KRTAP21-1: variants seen among roughly 807,000 people sequenced by gnomAD.
The protein encoded by KRTAP21-1 is keratin-associated protein 21-1.
For synonymous variants in KRTAP21-1, 29 were observed against 39.7 expected, an observed-to-expected ratio of 0.73 and a Z score of 1.01; for missense variants, 75 against 96.3, an observed-to-expected ratio of 0.78 and a Z score of 0.92.
Position 30,755,418 on chromosome 21 carries a change from T to A in KRTAP21-1, c.-40A>T. 6.4e-7 allele frequency: 1 copy of A among 1,567,924 alleles called. No individual in the cohort carries two copies. Among genetic ancestry groups the A allele is most frequent in the Non-Finnish European group, 8.7e-7 (1 of 1,155,952 alleles). On this transcript the variant is annotated 5_prime_UTR_variant, in exon 1 of 1. Transcript: ENST00000335093. ...AGAATTGAGATGGGTTTCAAGAAGATGCTTCTGAGGTGTGGATGTCTTCTA... is the reference window on the plus strand; with the variant it reads ...AGAATTGAGATGGGTTTCAAGAAGAAGCTTCTGAGGTGTGGATGTCTTCTA...
In KRTAP21-1 at chr21:30,755,049, G is replaced by A. The variant is rs1983794567; in HGVS notation, c.*90C>T. ...GATTCTGTCAAGCATGTAATTCTTGGATATAGAAATCTTGGAGTACGAATC... is the reference window on the plus strand; with the variant it reads ...GATTCTGTCAAGCATGTAATTCTTGAATATAGAAATCTTGGAGTACGAATC... On this transcript the variant is annotated 3_prime_UTR_variant, in exon 1 of 1. Coordinates refer to ENST00000335093, the MANE Select transcript of KRTAP21-1 (RefSeq NM_181619.2). The A allele has an allele frequency of 6.3e-6, 10 of 1,595,778 alleles. No individual in the cohort carries two copies. The East Asian group carries it at 2.2e-4, about 36-fold the overall frequency.
In KRTAP21-1 at chr21:30,755,405, G is replaced by A; in HGVS notation, c.-27C>T. On this transcript the variant is annotated 5_prime_UTR_variant, in exon 1 of 1. Coordinates refer to ENST00000335093, the MANE Select transcript of KRTAP21-1 (RefSeq NM_181619.2). Reference sequence around the variant, plus strand: ...TTGTCAAGAGGAGAGAATTGAGATGGGTTTCAAGAAGATGCTTCTGAGGTG... The same window carrying A: ...TTGTCAAGAGGAGAGAATTGAGATGAGTTTCAAGAAGATGCTTCTGAGGTG... The A allele has an allele frequency of 6.3e-7, 1 of 1,575,554 alleles. No homozygotes were observed. The highest frequency in any genetic ancestry group is 8.6e-7 in the Non-Finnish European group (1 of 1,159,808).
In KRTAP21-1 at chr21:30,755,317, C is replaced by A; in HGVS notation, c.62G>T (p.Gly21Val). ...GCCACAGCCACAGCCAGAGCCAGAGCCATAGCCACAGCCACAGCCGGAGCC... is the reference window on the plus strand; with the variant it reads ...GCCACAGCCACAGCCAGAGCCAGAGACATAGCCACAGCCACAGCCGGAGCC... ...GYGSGCGCGY[G>V]SGSGCGCGYG... is the part of the protein sequence containing the mutation. Residue 21 changes from glycine to valine, a missense_variant, in exon 1 of 1, where the codon GGC becomes GTC. By Grantham distance (109) the Gly-to-Val change is moderately radical. Transcript: ENST00000335093. 2.5e-6 allele frequency: 4 copies of A among 1,613,916 alleles called. No homozygotes were observed. The highest frequency in any genetic ancestry group is 1.6e-4 in the Middle Eastern group (1 of 6,062).
chr21:30,755,048 G>T lies in KRTAP21-1; in HGVS notation c.*91C>A, dbSNP rs528213786. 1.9e-6 allele frequency: 3 copies of T among 1,594,524 alleles called. No individual in the cohort carries two copies. Among genetic ancestry groups the T allele is most frequent in the Non-Finnish European group, 1.7e-6 (2 of 1,174,642 alleles). On this transcript the variant is annotated 3_prime_UTR_variant, in exon 1 of 1. Coordinates refer to ENST00000335093, the MANE Select transcript of KRTAP21-1 (RefSeq NM_181619.2). The stretch of plus-strand genomic sequence containing the variant: ...AGATTCTGTCAAGCATGTAATTCTT[G>T]GATATAGAAATCTTGGAGTACGAAT...
Position 30,755,099 on chromosome 21 carries a change from G to C in KRTAP21-1, c.*40C>G. On this transcript the variant is annotated 3_prime_UTR_variant, in exon 1 of 1. Coordinates refer to ENST00000335093, the MANE Select transcript of KRTAP21-1 (RefSeq NM_181619.2). Reference sequence around the variant, plus strand: ...CCTTGAATCAGCATTATCTTCAGACGTGTCATTTTAGAAGCAAATGGTCCT... The same window carrying C: ...CCTTGAATCAGCATTATCTTCAGACCTGTCATTTTAGAAGCAAATGGTCCT... The C allele has an allele frequency of 6.2e-7, 1 of 1,612,414 alleles. No homozygotes were observed. Among genetic ancestry groups the C allele is most frequent in the East Asian group, 2.2e-5 (1 of 44,868 alleles).
rs770386158 is a variant in KRTAP21-1 at position 30,755,089 on chromosome 21, A to T, written c.*50T>A. ...GAGTACGAATCCTTGAATCAGCATT[A>T]TCTTCAGACGTGTCATTTTAGAAGC... On this transcript the variant is annotated 3_prime_UTR_variant, in exon 1 of 1. Coordinates refer to ENST00000335093, the MANE Select transcript of KRTAP21-1 (RefSeq NM_181619.2). 1.2e-6 allele frequency: 2 copies of T among 1,611,138 alleles called. No individual in the cohort carries two copies. The highest frequency in any genetic ancestry group is 1.7e-6 in the Non-Finnish European group (2 of 1,179,926).
Position 30,755,105 on chromosome 21 carries a change from T to G in KRTAP21-1, c.*34A>C, listed in dbSNP as rs201324725. 2.2e-5 allele frequency: 36 copies of G among 1,613,098 alleles called. No homozygotes were observed. Among genetic ancestry groups the G allele is most frequent in the Non-Finnish European group, 3.1e-5 (36 of 1,179,996 alleles). ...ATCAGCATTATCTTCAGACGTGTCA[T>G]TTTAGAAGCAAATGGTCCTCCGACA... On this transcript the variant is annotated 3_prime_UTR_variant, in exon 1 of 1. Transcript: ENST00000335093.
rs148348278 is a variant in KRTAP21-1, at chr21:30,755,152, T to C, written c.227A>G (p.Tyr76Cys). Residue 76 changes from tyrosine to cysteine, a missense_variant, in exon 1 of 1, where the codon TAT (tyrosine) becomes TGT (cysteine). Physicochemically the swap from Tyr to Cys is radical, Grantham distance 194. Transcript: ENST00000335093. ...GACAGTGATGTTTTAGCAGGAAGAATAGCATCTTCTAAAGCAAAATGGCCG... is the reference window on the plus strand; with the variant it reads ...GACAGTGATGTTTTAGCAGGAAGAACAGCATCTTCTAAAGCAAAATGGCCG... ...GYRPFCFRRCYSSC is the reference protein window; with the variant it reads ...GYRPFCFRRCCSSC 1.7e-3 allele frequency: 2,720 copies of C among 1,614,164 alleles called. 39 individuals are homozygous for C. In the South Asian group the frequency reaches 0.017, roughly 10 times the overall value.
chr21:30,755,127 G>T lies in KRTAP21-1; in HGVS notation c.*12C>A. 6 of 1,613,790 alleles carry T rather than the reference G, an allele frequency of 3.7e-6. No individual in the cohort carries two copies. The highest frequency in any genetic ancestry group is 5.1e-6 in the Non-Finnish European group (6 of 1,180,020). On this transcript the variant is annotated 3_prime_UTR_variant, in exon 1 of 1. Coordinates refer to ENST00000335093, the MANE Select transcript of KRTAP21-1 (RefSeq NM_181619.2). ...TCATTTTAGAAGCAAATGGTCCTCC[G>T]ACAGTGATGTTTTAGCAGGAAGAAT...
Position 30,755,071 on chromosome 21 carries a change from A to G in KRTAP21-1, c.*68T>C. The stretch of plus-strand genomic sequence containing the variant: ...TTGGATATAGAAATCTTGGAGTACG[A>G]ATCCTTGAATCAGCATTATCTTCAG... On this transcript the variant is annotated 3_prime_UTR_variant, in exon 1 of 1. Transcript: ENST00000335093. 1 of 1,607,244 alleles carries G rather than the reference A, an allele frequency of 6.2e-7. No individual in the cohort carries two copies. The highest frequency in any genetic ancestry group is 8.5e-7 in the Non-Finnish European group (1 of 1,179,498).
Position 30,755,389 on chromosome 21 carries a change from G to A in KRTAP21-1, c.-11C>T. The A allele has an allele frequency of 6.3e-7, 1 of 1,594,570 alleles. No homozygotes were observed. The highest frequency in any genetic ancestry group is 8.6e-7 in the Non-Finnish European group (1 of 1,169,354). On this transcript the variant is annotated 5_prime_UTR_variant, in exon 1 of 1. Transcript: ENST00000335093. Reference sequence around the variant, plus strand: ...GTAGTTGCAACACATGTTGTCAAGAGGAGAGAATTGAGATGGGTTTCAAGA... The same window carrying A: ...GTAGTTGCAACACATGTTGTCAAGAAGAGAGAATTGAGATGGGTTTCAAGA...
At position 30,755,341 on chromosome 21, in the gene KRTAP21-1, C is replaced by A. The variant is rs1983807259; in HGVS notation, c.38G>T (p.Gly13Val). The A allele has an allele frequency of 3.1e-6, 5 of 1,613,458 alleles. No homozygotes were observed. Among genetic ancestry groups the A allele is most frequent in the South Asian group, 1.1e-5 (1 of 91,004 alleles). ...GCCATAGCCACAGCCACAGCCGGAG[C>A]CATAGCCACAGGAGTTGCCGTAGTA... ...CNYYGNSCGYGSGCGCGYGSG... is the reference protein window; with the variant it reads ...CNYYGNSCGYVSGCGCGYGSG... Residue 13 changes from glycine to valine, a missense_variant, in exon 1 of 1, where the codon GGC (glycine) becomes GTC (valine). By Grantham distance (109) the Gly-to-Val change is moderately radical. Coordinates refer to ENST00000335093, the MANE Select transcript of KRTAP21-1 (RefSeq NM_181619.2).
At position 30,755,340 on chromosome 21, in the gene KRTAP21-1, G is replaced by C. The variant is rs368032498; in HGVS notation, c.39C>G (p.Gly13=). Reference sequence around the variant, plus strand: ...AGCCATAGCCACAGCCACAGCCGGAGCCATAGCCACAGGAGTTGCCGTAGT... The same window carrying C: ...AGCCATAGCCACAGCCACAGCCGGACCCATAGCCACAGGAGTTGCCGTAGT... ...CNYYGNSCGY[G]SGCGCGYGSG... The change falls in exon 1 of 1, where the codon GGC becomes GGG. Residue 13 remains glycine (G), a synonymous_variant. Coordinates refer to ENST00000335093, the MANE Select transcript of KRTAP21-1 (RefSeq NM_181619.2). The C allele has an allele frequency of 4.6e-5, 75 of 1,613,440 alleles. No individual in the cohort carries two copies. Among genetic ancestry groups the C allele is most frequent in the Non-Finnish European group, 6.1e-5 (72 of 1,179,794 alleles).
rs774965615 is a variant in KRTAP21-1 at position 30,755,310 on chromosome 21, G to T, written c.69C>A (p.Gly23=). ...TTCCATAGCCACAGCCACAGCCAGA[G>T]CCAGAGCCATAGCCACAGCCACAGC... ...GSGCGCGYGS[G]SGCGCGYGTG... Residue 23 remains glycine, a synonymous_variant, in exon 1 of 1, where the codon GGC becomes GGA. Coordinates refer to ENST00000335093, the MANE Select transcript of KRTAP21-1 (RefSeq NM_181619.2). 1 of 1,613,452 alleles carries T rather than the reference G, an allele frequency of 6.2e-7. No individual in the cohort carries two copies.
rs1318729095 is a variant in KRTAP21-1, at chr21:30,755,156, A to C, written c.223T>G (p.Cys75Gly). ...GTGATGTTTTAGCAGGAAGAATAGC[A>C]TCTTCTAAAGCAAAATGGCCGGTAG... The part of the protein sequence containing the change: ...CGYRPFCFRR[C>G]YSSC The change falls in exon 1 of 1, where the codon TGC (cysteine) becomes GGC (glycine). Residue 75 changes from cysteine to glycine, a missense_variant. Coordinates refer to ENST00000335093, the MANE Select transcript of KRTAP21-1 (RefSeq NM_181619.2). The C allele has an allele frequency of 3.7e-6, 6 of 1,614,200 alleles. No homozygotes were observed. Among genetic ancestry groups the C allele is most frequent in the Non-Finnish European group, 5.1e-6 (6 of 1,180,030 alleles).
At position 30,755,125 on chromosome 21, in the gene KRTAP21-1, C is replaced by A. The variant is rs773555780; in HGVS notation, c.*14G>T. The A allele has an allele frequency of 1.3e-5, 21 of 1,613,710 alleles. No homozygotes were observed. Among genetic ancestry groups the A allele is most frequent in the Non-Finnish European group, 3.4e-6 (4 of 1,180,044 alleles). Reference sequence around the variant, plus strand: ...TGTCATTTTAGAAGCAAATGGTCCTCCGACAGTGATGTTTTAGCAGGAAGA... The same window carrying A: ...TGTCATTTTAGAAGCAAATGGTCCTACGACAGTGATGTTTTAGCAGGAAGA... On this transcript the variant is annotated 3_prime_UTR_variant, in exon 1 of 1. Coordinates refer to ENST00000335093, the MANE Select transcript of KRTAP21-1 (RefSeq NM_181619.2).
rs771995215 is a variant in KRTAP21-1 at position 30,755,314 on chromosome 21, G to C, written c.65C>G (p.Ser22Cys). ...YGSGCGCGYG[S>C]GSGCGCGYGT... ...ATAGCCACAGCCACAGCCAGAGCCA[G>C]AGCCATAGCCACAGCCACAGCCGGA... The change falls in exon 1 of 1, where the codon TCT (serine) becomes TGT (cysteine). Residue 22 changes from serine (S) to cysteine (C), a missense_variant. Coordinates refer to ENST00000335093, the MANE Select transcript of KRTAP21-1 (RefSeq NM_181619.2). 14 of 1,613,136 alleles carry C rather than the reference G, an allele frequency of 8.7e-6. No individual in the cohort carries two copies. The highest frequency in any genetic ancestry group is 1.2e-5 in the Non-Finnish European group (14 of 1,179,878).
chr21:30,755,195 A>G lies in KRTAP21-1; in HGVS notation c.184T>C (p.Ser62Pro), dbSNP rs1983798887. 3.1e-6 allele frequency: 5 copies of G among 1,614,166 alleles called. No individual in the cohort carries two copies. The highest frequency in any genetic ancestry group is 1.6e-4 in the Middle Eastern group (1 of 6,062). ...TGYGCGYGSG[S>P]GYCGYRPFCF... ...AATGGCCGGTAGCCACAGTAGCCAG[A>G]GCCAGAGCCATATCCACAGCCATAG... The change falls in exon 1 of 1, where the codon TCT (serine) becomes CCT (proline). Residue 62 changes from serine to proline, a missense_variant. Transcript: ENST00000335093.
At position 30,755,268 on chromosome 21, in the gene KRTAP21-1, C is replaced by T; in HGVS notation, c.111G>A (p.Gly37=). The T allele has an allele frequency of 6.2e-7, 1 of 1,610,490 alleles. No individual in the cohort carries two copies. The highest frequency in any genetic ancestry group is 2.2e-5 in the East Asian group (1 of 44,850). Residue 37 remains glycine (G), a synonymous_variant, in exon 1 of 1, where the codon GGG becomes GGA. Coordinates refer to ENST00000335093, the MANE Select transcript of KRTAP21-1 (RefSeq NM_181619.2). ...AATGGGAGCCAAACCCACAGCCATA[C>T]CCACAGCCATAGCCAGTTCCATAGC... ...GCGYGTGYGC[G]YGCGFGSHYG... is the part of the protein sequence containing the mutation.
Sources: allele counts gnomAD v4.1 joint callset, GRCh38; gene constraint gnomAD v4.1.1; transcripts MANE v1.5; gene names NCBI Gene and HGNC (gene_info 2026-07-23, HGNC 2026-07-21).